Variants in ZFAND3 observed in about 807,000 individuals in gnomAD.
ZFAND3 encodes the protein AN1-type zinc finger protein 3.
In ZFAND3, 10 loss-of-function variants were observed where a neutral mutation model predicts 29.6. That is an observed-to-expected ratio of 0.34 (90% CI 0.21 to 0.57). The LOEUF (loss-of-function observed/expected upper bound fraction) is 0.57, where lower values mean the gene tolerates loss of function less well. Among genes scored for constraint, ZFAND3 ranks in the 20% least tolerant of loss-of-function variants. ZFAND3 has a pLI of 0.86. For synonymous variants in ZFAND3, 128 were observed against 112.6 expected, an observed-to-expected ratio of 1.14 and a Z score of -0.87; for missense variants, 230 against 304.5, an observed-to-expected ratio of 0.76 and a Z score of 1.82.
intron 1 of ZFAND3, among the ~76,000 whole-genome samples, chr6:37,929,341 GC>G (rs1272026261): frequency 1.3e-5 from 2 of 152,236 alleles, no homozygotes; most frequent in African/African-American, 4.8e-5. Flanking sequence ...TATGCGAAAT[GC>G]CCATCCAAGT....
At chr6:38,009,737 T>G (rs555880220) in intron 2 of ZFAND3, among the ~76,000 whole-genome samples, 4 of 152,358 alleles carry the variant, frequency 2.6e-5, no homozygotes, top group African/African-American at 9.6e-5. Context: ...CTCTCTGCTT[T>G]GATCTGAATA....
intron 1 of ZFAND3, among the ~76,000 whole-genome samples, chr6:37,842,579 T>C (rs1581701745): frequency 6.6e-6 from 1 of 152,214 alleles, no homozygotes; most frequent in East Asian, 1.9e-4. Context: ...ATATATACCC[T>C]AATTTGCTTT....
rs148434792 is a variant in ZFAND3 at position 38,084,106 on chromosome 6, A to T, written c.361+1649A>T. Among the ~76,000 whole-genome samples the T allele has an allele frequency of 1.9e-4, 29 of 152,308 alleles. No individual in the cohort carries two copies. The East Asian group carries it at 5.0e-3, about 26-fold the overall frequency. On this transcript the variant is annotated intron_variant, in intron 4 of 5. Coordinates refer to ENST00000287218, the MANE Select transcript of ZFAND3 (RefSeq NM_021943.3). ...AGACTTGGACACGGATCTTTAAGAC[A>T]CTAAAGCCTGCGCTGTTTTCCCCTA...
At chr6:38,148,706 T>A (rs776054680) in intron 5 of ZFAND3, among the ~76,000 whole-genome samples, 1 of 152,122 alleles carries the variant, frequency 6.6e-6, no homozygotes, top group African/African-American at 2.4e-5. Flanking sequence ...GGATAAAGAT[T>A]CATCCCATCC....
intron 4 of ZFAND3, among the ~76,000 whole-genome samples, chr6:38,090,515 C>G (rs1175781541): frequency 6.6e-6 from 1 of 152,112 alleles, no homozygotes; most frequent in African/African-American, 2.4e-5. Flanking sequence ...AAATATTTGG[C>G]AAGATTGCAA....
At position 38,072,582 on chromosome 6, in the gene ZFAND3, AAT is replaced by A. The variant is rs775292196; in HGVS notation, c.296-9807_296-9806del. Among the ~76,000 whole-genome samples the A allele has an allele frequency of 2.8e-4, 43 of 152,354 alleles. 1 individual carries two copies. Among genetic ancestry groups the A allele is most frequent in the Non-Finnish European group, 3.7e-4 (25 of 68,028 alleles). The stretch of plus-strand genomic sequence containing the variant: ...ATTTTTATTTTGTGTAGGTACAAGT[AAT>A]ATGTGACACTGTGCTGATTTTAAAT... On this transcript the variant is annotated intron_variant, in intron 3 of 5. Transcript: ENST00000287218.
chr6:38,136,917 A>G (rs1284348396), intron 5 of ZFAND3, among the ~76,000 whole-genome samples: 1 of 152,230 alleles, frequency 6.6e-6, no homozygotes, highest in Non-Finnish European at 1.5e-5. Context: ...TTTACAAACT[A>G]AAGGGCTAGG....
chr6:37,841,218 CTT>C (rs1421621751), intron 1 of ZFAND3, among the ~76,000 whole-genome samples: 9 of 152,260 alleles, frequency 5.9e-5, no homozygotes, highest in African/African-American at 2.2e-4. Context: ...TGAGTAATAA[CTT>C]TATGGAAAGA....
chr6:37,896,514 TTTTCTTTCTTTC>T lies in ZFAND3; in HGVS notation c.72-33399_72-33388del, dbSNP rs58666227. On this transcript the variant is annotated intron_variant, in intron 1 of 5. Coordinates refer to ENST00000287218, the MANE Select transcript of ZFAND3 (RefSeq NM_021943.3). Reference sequence around the variant, plus strand: ...GGTGTCTTAATTTTTTTCCTCTTTCTTTTCTTTCTTTCTTTCTTTCTTTCTTTCTTTCTTTCT... The same window carrying T: ...GGTGTCTTAATTTTTTTCCTCTTTCTTTTCTTTCTTTCTTTCTTTCTTTCT... 4.5e-3 allele frequency among the ~76,000 whole-genome samples: 489 copies of T among 109,176 alleles called. 3 individuals carry two copies. Among genetic ancestry groups the T allele is most frequent in the East Asian group, 0.021 (77 of 3,712 alleles). 71.6% of individuals were successfully genotyped at this position (109,176 alleles called of 152,430 possible).
intron 1 of ZFAND3, among the ~76,000 whole-genome samples, chr6:37,875,784 AG>A (rs1019856364): frequency 2.4e-4 from 37 of 151,794 alleles, no homozygotes; most frequent in African/African-American, 8.9e-4. Flanking sequence ...TCAGCCTCAC[AG>A]GTAGCTGGGA....
At chr6:38,129,040 G>A (rs1765691575) in intron 5 of ZFAND3, among the ~76,000 whole-genome samples, 1 of 152,192 alleles carries the variant, frequency 6.6e-6, no homozygotes, top group African/African-American at 2.4e-5. Context: ...GAGTAAGGTA[G>A]TATTGCATTG....
intron 1 of ZFAND3, among the ~76,000 whole-genome samples, chr6:37,896,558 C>CTTTCTTTCT (rs1554153855): frequency 7.4e-4 from 103 of 138,424 alleles, no homozygotes; most frequent in Middle Eastern, 3.5e-3. Context: ...TTCTTTCTTT[C>CTTTCTTTCT]TTTCTTTCTT....
intron 2 of ZFAND3, among the ~76,000 whole-genome samples, chr6:37,956,774 GAAGT>G (rs1762092044): frequency 6.6e-6 from 1 of 152,146 alleles, no homozygotes; most frequent in South Asian, 2.1e-4. Flanking sequence ...ACTTGCATCT[GAAGT>G]AATTGAGGCA....
chr6:37,908,406 T>G (rs887720379), intron 1 of ZFAND3, among the ~76,000 whole-genome samples: 4 of 151,938 alleles, frequency 2.6e-5, no homozygotes. Context: ...GTTCTCCCCT[T>G]GTGTAGAAAA....
intron 2 of ZFAND3, among the ~76,000 whole-genome samples, chr6:37,995,399 C>T (rs151180416): frequency 2.0e-5 from 3 of 152,190 alleles, no homozygotes; most frequent in African/African-American, 7.2e-5. Context: ...CTAAAGAGCC[C>T]GGTCTCTTGG....
At chr6:37,944,633 C>T (rs371564717) in intron 2 of ZFAND3, among the ~76,000 whole-genome samples, 3 of 152,284 alleles carry the variant, frequency 2.0e-5, no homozygotes, top group East Asian at 1.9e-4. Flanking sequence ...TGACCTACAG[C>T]GTATATCACG....
At chr6:38,087,542 A>G (rs187615257) in intron 4 of ZFAND3, among the ~76,000 whole-genome samples, 4 of 152,344 alleles carry the variant, frequency 2.6e-5, no homozygotes, top group Admixed American at 6.5e-5. Context: ...TTGAATAGAC[A>G]TTTCTCAAAA....
At chr6:38,010,335 T>C (rs916588186) in intron 2 of ZFAND3, among the ~76,000 whole-genome samples, 1 of 152,182 alleles carries the variant, frequency 6.6e-6, no homozygotes, top group African/African-American at 2.4e-5. Flanking sequence ...GTGGCCTCAG[T>C]TGGGAGTTGA....
At chr6:37,972,180 A>G (rs1425777016) in intron 2 of ZFAND3, among the ~76,000 whole-genome samples, 1 of 152,166 alleles carries the variant, frequency 6.6e-6, no homozygotes, top group African/African-American at 2.4e-5. Flanking sequence ...CCCAGCTGTT[A>G]TACCTCACTC....
Sources: gnomAD v4.1 joint callset for allele counts (sites outside exome capture counted in the v4.1 genomes callset) on GRCh38, gnomAD v4.1.1 for gene constraint, MANE v1.5 for transcripts, NCBI Gene and HGNC (gene_info 2026-07-23, HGNC 2026-07-21) for gene names.